The following ST3GAL1 variants were observed in gnomAD, a reference collection of about 807,000 sequenced individuals.
ST3GAL1 encodes the protein ST3 beta-galactoside alpha-2,3-sialyltransferase 1.
In ST3GAL1, 16 loss-of-function variants were observed where a neutral mutation model predicts 34.1. That is an observed-to-expected ratio of 0.47 (90% CI 0.32 to 0.71). ST3GAL1 has a LOEUF of 0.71. Among genes scored for constraint, ST3GAL1 ranks in the 30% least tolerant of loss-of-function variants. The pLI, the probability that ST3GAL1 is intolerant of heterozygous loss-of-function variation, is 0.04. For missense variants in ST3GAL1, 353 were observed against 447.4 expected (o/e 0.79, Z 1.90); for synonymous variants, 191 against 184.7 (o/e 1.03, Z -0.28).
Position 133,513,265 on chromosome 8 carries a change from G to T in ST3GAL1, c.-428-14076C>A, listed in dbSNP as rs899781174. Among the ~76,000 whole-genome samples the T allele has an allele frequency of 1.3e-5, 2 of 152,040 alleles. 1 individual carries two copies. The highest frequency in any genetic ancestry group is 4.2e-4 in the South Asian group (2 of 4,810). ...TGACTTTGCCCCTGTCTGCAGCAGC[G>T]CCCACTCTCGCCTCTTCTCCTGAGA... On this transcript the variant is annotated intron_variant, in intron 2 of 9. Coordinates refer to ENST00000522652, the MANE Select transcript of ST3GAL1 (RefSeq NM_173344.3).
intron 2 of ST3GAL1, among the ~76,000 whole-genome samples, chr8:133,528,519 G>C (rs957183421): frequency 6.6e-6 from 1 of 152,240 alleles, no homozygotes; most frequent in African/African-American, 2.4e-5. Context: ...AGCTATACAA[G>C]CTGTTTCCCT....
intron 3 of ST3GAL1, among the ~76,000 whole-genome samples, chr8:133,486,171 A>C (rs559438988): frequency 1.3e-5 from 2 of 152,202 alleles, no homozygotes; most frequent in African/African-American, 4.8e-5. Context: ...ATTACGGCCA[A>C]TGCAGAATCC....
chr8:133,546,184 A>C (rs1356551494), intron 1 of ST3GAL1, among the ~76,000 whole-genome samples: 1 of 152,188 alleles, frequency 6.6e-6, no homozygotes, highest in African/African-American at 2.4e-5. Flanking sequence ...AAAAATACAC[A>C]AACAATTCAG....
Position 133,461,977 on chromosome 8 carries a change from T to C in ST3GAL1, c.747A>G (p.Pro249=). 1 of 1,614,128 alleles carries C rather than the reference T, an allele frequency of 6.2e-7. No homozygotes were observed. The highest frequency in any genetic ancestry group is 8.5e-7 in the Non-Finnish European group (1 of 1,180,016). The part of the protein sequence containing the change: ...VKQDKILIYH[P]AFIKYVFDNW... Reference sequence around the variant, plus strand: ...TGTCAAAGACATACTTGATGAAGGCTGGGTGGTAGATCAGGATCTGCGGGG... The same window carrying C: ...TGTCAAAGACATACTTGATGAAGGCCGGGTGGTAGATCAGGATCTGCGGGG... The change falls in exon 9 of 10, where the codon CCA becomes CCG. Residue 249 remains proline, a synonymous_variant. Transcript: ENST00000522652. This position sits in a 1 kb window ranked among gnomAD's most constrained non-coding sequence, Gnocchi z 4.7.
At chr8:133,540,750 T>TATATAGAGAGAC (rs1563733860) in intron 2 of ST3GAL1, among the ~76,000 whole-genome samples, 33 of 83,654 alleles carry the variant, frequency 3.9e-4, no homozygotes, top group African/African-American at 1.7e-3. Context: ...TATAGACATA[T>TATATAGAGAGAC]ATATATATAT....
intron 2 of ST3GAL1, chr8:133,516,270 C>G (rs1191453893): frequency 6.6e-6 from 1 of 152,212 alleles, no homozygotes; most frequent in African/African-American, 2.4e-5. Flanking sequence ...CCCTCTCCCT[C>G]CATGGGGCAT....
intron 2 of ST3GAL1, among the ~76,000 whole-genome samples, chr8:133,529,178 C>T (rs1263359923): frequency 1.3e-5 from 2 of 152,172 alleles, no homozygotes; most frequent in Admixed American, 6.5e-5. Flanking sequence ...CCAATGGGAC[C>T]GGCTTTCTAG....
intron 1 of ST3GAL1, among the ~76,000 whole-genome samples, chr8:133,552,005 TC>T (rs1256211725): frequency 6.6e-6 from 1 of 152,232 alleles, no homozygotes; most frequent in Non-Finnish European, 1.5e-5. Context: ...CTAACTCTAC[TC>T]TATTGTAAAG....
intron 1 of ST3GAL1, among the ~76,000 whole-genome samples, chr8:133,564,998 G>C (rs1157874058): frequency 6.6e-6 from 1 of 152,150 alleles, no homozygotes; most frequent in Non-Finnish European, 1.5e-5. Flanking sequence ...AGACACAATG[G>C]GTTAAAATGT....
At position 133,461,864 on chromosome 8, in the gene ST3GAL1, G is replaced by A. The variant is rs759401355; in HGVS notation, c.849+11C>T. 6.2e-7 allele frequency: 1 copy of A among 1,613,968 alleles called. No homozygotes were observed. Among genetic ancestry groups the A allele is most frequent in the South Asian group, 1.1e-5 (1 of 91,072 alleles). On this transcript the variant is annotated intron_variant, in intron 9 of 9. Coordinates refer to ENST00000522652, the MANE Select transcript of ST3GAL1 (RefSeq NM_173344.3). This position sits in a 1 kb window ranked among gnomAD's most constrained non-coding sequence, Gnocchi z 4.7. The stretch of plus-strand genomic sequence containing the variant: ...CGAGGCAGCCCTGTGGGCAGGGGGA[G>A]GGTGGCATACCTCATCGCAGACATG...
At chr8:133,525,979 T>C (rs1817963133) in intron 2 of ST3GAL1, among the ~76,000 whole-genome samples, 1 of 152,138 alleles carries the variant, frequency 6.6e-6, no homozygotes, top group Admixed American at 6.5e-5. Flanking sequence ...CCCTGCCAAC[T>C]TGATAGAAGG....
chr8:133,461,925 G>A lies in ST3GAL1; in HGVS notation c.799C>T (p.Pro267Ser). The change falls in exon 9 of 10, where the codon CCA (proline) becomes TCA (serine). Residue 267 changes from proline to serine, a missense_variant. By Grantham distance (74) the Pro-to-Ser change is moderately conservative. Coordinates refer to ENST00000522652, the MANE Select transcript of ST3GAL1 (RefSeq NM_173344.3). This position sits in a 1 kb window ranked among gnomAD's most constrained non-coding sequence, Gnocchi z 4.7. ...ATGACCGAGAGGATGCCGGTAGATG[G>A]GTATCGCCCGTGCCCTTGCAGCCAG... ...DNWLQGHGRY[P>S]STGILSVIFS... 1 of 1,614,164 alleles carries A rather than the reference G, an allele frequency of 6.2e-7. No homozygotes were observed. The highest frequency in any genetic ancestry group is 8.5e-7 in the Non-Finnish European group (1 of 1,180,026).
intron 7 of ST3GAL1, 130 bp downstream of exon 7, chr8:133,464,646 TTG>T: frequency 1.0e-6 from 1 of 960,172 alleles, no homozygotes; most frequent in Non-Finnish European, 1.6e-6. Context: ...GGAACTGGGC[TTG>T]TGTGTGCCGG....
At chr8:133,492,519 C>G (rs994899249) in intron 3 of ST3GAL1, among the ~76,000 whole-genome samples, 1 of 152,084 alleles carries the variant, frequency 6.6e-6, no homozygotes, top group Non-Finnish European at 1.5e-5. Context: ...TCAGGATTTC[C>G]GAGACCAGCC....
At chr8:133,529,158 G>A (rs769223369) in intron 2 of ST3GAL1, among the ~76,000 whole-genome samples, 1 of 152,216 alleles carries the variant, frequency 6.6e-6, no homozygotes, top group African/African-American at 2.4e-5. Flanking sequence ...TGTGGTGATG[G>A]GTCCTCCCAC....
chr8:133,534,171 C>T (rs560162782), intron 2 of ST3GAL1, among the ~76,000 whole-genome samples: 1 of 152,272 alleles, frequency 6.6e-6, no homozygotes, highest in Non-Finnish European at 1.5e-5. Context: ...AGCAAATCAT[C>T]TCCCCAGACC....
At chr8:133,559,567 A>G (rs1819157048) in intron 1 of ST3GAL1, among the ~76,000 whole-genome samples, 1 of 152,198 alleles carries the variant, frequency 6.6e-6, no homozygotes, top group Non-Finnish European at 1.5e-5. Flanking sequence ...AGACATTCCT[A>G]TTCGTGGCAG....
In ST3GAL1 at chr8:133,570,850, T is replaced by G. The variant is rs1819548173; in HGVS notation, c.-582+843A>C. Among the ~76,000 whole-genome samples, 1 of 152,172 alleles carries G rather than the reference T, an allele frequency of 6.6e-6. No homozygotes were observed. The highest frequency in any genetic ancestry group is 2.1e-4 in the South Asian group (1 of 4,832). ...AGGGGTGGCCCTGCCCCCACGCAGGTCACACACACGAGAGACACAGGCAAG... is the reference window on the plus strand; with the variant it reads ...AGGGGTGGCCCTGCCCCCACGCAGGGCACACACACGAGAGACACAGGCAAG... On this transcript the variant is annotated intron_variant, in intron 1 of 9. Transcript: ENST00000522652. The surrounding 1 kb of genome is among the most constrained non-coding windows in gnomAD (Gnocchi z 5.6).
intron 1 of ST3GAL1, among the ~76,000 whole-genome samples, chr8:133,563,110 A>G (rs928448015): frequency 6.6e-6 from 1 of 152,018 alleles, no homozygotes; most frequent in Non-Finnish European, 1.5e-5. Context: ...GTTTTAGTTC[A>G]CTGTGTATTC....
Sources: allele counts gnomAD v4.1 joint callset (sites outside exome capture counted in the v4.1 genomes callset), GRCh38; gene constraint gnomAD v4.1.1; non-coding constraint Gnocchi (gnomAD v3.1); transcripts MANE v1.5; gene names NCBI Gene and HGNC (gene_info 2026-07-23, HGNC 2026-07-21).